The following ZNF578 variants were observed in gnomAD, a reference collection of about 807,000 sequenced individuals.
ZNF578 encodes the protein zinc finger protein 578.
ZNF578 carries 8 observed loss-of-function variants against 8.3 expected under a neutral mutation model. The ratio of observed to expected loss-of-function variants is 0.96; its 90% CI spans 0.56 to 1.74. The LOEUF is 1.74. Among genes scored for constraint, ZNF578 ranks in the 40% most tolerant of loss-of-function variants. The probability of loss-of-function intolerance (pLI) is 0.00; values close to 1 mark genes in which losing one functional copy is unlikely to be tolerated. For missense variants in ZNF578, 726 were observed against 707.5 expected (o/e 1.03, Z -0.30); for synonymous variants, 206 against 232.2 (o/e 0.89, Z 1.03).
intron 3 of ZNF578, among the ~76,000 whole-genome samples, chr19:52,493,700 T>G (rs2059375063): frequency 6.6e-6 from 1 of 151,226 alleles, no homozygotes. Flanking sequence ...CAACAAGAGG[T>G]TAAATAAGGA....
intron 3 of ZNF578, 147 bp from the exon 4 acceptor site, chr19:52,501,680 C>T (rs1464388845): frequency 2.5e-6 from 2 of 793,954 alleles, no homozygotes; most frequent in Admixed American, 2.9e-5. Context: ...TCCTGTGGGA[C>T]TTTCTTATGT....
At chr19:52,483,487 A>G (rs2059334488) in intron 2 of ZNF578, among the ~76,000 whole-genome samples, 1 of 152,212 alleles carries the variant, frequency 6.6e-6, no homozygotes, top group Non-Finnish European at 1.5e-5. Context: ...CGCATGACCA[A>G]ATTCTCTCAC....
At chr19:52,470,051 C>CTT (rs1458252601) in intron 2 of ZNF578, among the ~76,000 whole-genome samples, 1 of 152,138 alleles carries the variant, frequency 6.6e-6, no homozygotes, top group Non-Finnish European at 1.5e-5. Context: ...GAACACTGAG[C>CTT]TCTTAAACCC....
Position 52,514,630 on chromosome 19 carries a change from A to G in ZNF578, c.*2476A>G, listed in dbSNP as rs1385603100. Among the ~76,000 whole-genome samples the G allele has an allele frequency of 6.6e-6, 1 of 152,102 alleles. No homozygotes were observed. The highest frequency in any genetic ancestry group is 1.5e-5 in the Non-Finnish European group (1 of 68,020). On this transcript the variant is annotated 3_prime_UTR_variant, in exon 6 of 6. Coordinates refer to ENST00000421239, the MANE Select transcript of ZNF578 (RefSeq NM_001099694.2). ...GGAAAAATGTTGAAACATGGGCTGG[A>G]GTGGCATAGAGCGCTGCTCCAAAAG...
At chr19:52,494,027 G>A (rs2059376871) in intron 3 of ZNF578, among the ~76,000 whole-genome samples, 2 of 151,370 alleles carry the variant, frequency 1.3e-5, no homozygotes, top group South Asian at 4.2e-4. Flanking sequence ...TGAGGATGGA[G>A]CAGAAGAGGT....
At chr19:52,454,346 T>C (rs1248429888) in intron 1 of ZNF578, 1 of 152,216 alleles carries the variant, frequency 6.6e-6, no homozygotes, top group Non-Finnish European at 1.5e-5. Flanking sequence ...CGGTGTCCCA[T>C]AATTTACCTC....
chr19:52,472,962 A>C (rs1270673392), intron 2 of ZNF578, among the ~76,000 whole-genome samples: 1 of 152,212 alleles, frequency 6.6e-6, no homozygotes, highest in Non-Finnish European at 1.5e-5. Flanking sequence ...TTCAGCATGC[A>C]ATGTCATACA....
intron 2 of ZNF578, among the ~76,000 whole-genome samples, chr19:52,459,770 T>TATA (rs1491453615): frequency 0.01 from 76 of 7,280 alleles, 8 homozygotes; most frequent in Non-Finnish European, 0.016. Context: ...TATATATATA[T>TATA]TTTTTTTTTT....
At chr19:52,500,857 A>G (rs1599909335) in intron 3 of ZNF578, among the ~76,000 whole-genome samples, 1 of 146,052 alleles carries the variant, frequency 6.8e-6, no homozygotes, top group South Asian at 2.2e-4. Flanking sequence ...CCTCTGGTCC[A>G]CATTGACTGT....
chr19:52,459,727 G>A lies in ZNF578; in HGVS notation c.-122+2769G>A, dbSNP rs1177008761. On this transcript the variant is annotated intron_variant, in intron 2 of 5. Coordinates refer to ENST00000421239, the MANE Select transcript of ZNF578 (RefSeq NM_001099694.2). ...TATATGTAGATATGTGTGTGTGTGT[G>A]TGTGTGTGTGTGTGTGTGTGTGTGT... is the stretch of plus-strand genomic sequence containing the variant. Among the ~76,000 whole-genome samples the A allele has an allele frequency of 4.9e-3, 104 of 21,082 alleles. 1 individual carries two copies. The highest frequency in any genetic ancestry group is 7.0e-3 in the African/African-American group (52 of 7,482). 13.8% of individuals were successfully genotyped at this position (21,082 alleles called of 152,430 possible).
chr19:52,454,516 A>G (rs182390073), intron 1 of ZNF578: 4 of 152,356 alleles, frequency 2.6e-5, no homozygotes, highest in African/African-American at 7.2e-5. Context: ...CCCAGTCTTC[A>G]GTATTTATTA....
Position 52,476,181 on chromosome 19 carries a change from G to A in ZNF578, c.-121-15143G>A, listed in dbSNP as rs2059307879. 2.0e-5 allele frequency among the ~76,000 whole-genome samples: 3 copies of A among 151,968 alleles called. No individual in the cohort carries two copies. The South Asian group carries it at 6.2e-4, about 32-fold the overall frequency. On this transcript the variant is annotated intron_variant, in intron 2 of 5. Transcript: ENST00000421239. Reference sequence around the variant, plus strand: ...CTTGGAATGGCTGCTGGGGCTGGCAGACCTTGCTGTAATGCACCCATTGGT... The same window carrying A: ...CTTGGAATGGCTGCTGGGGCTGGCAAACCTTGCTGTAATGCACCCATTGGT...
intron 5 of ZNF578, among the ~76,000 whole-genome samples, chr19:52,505,099 C>T (rs1347719945): frequency 6.6e-6 from 1 of 152,142 alleles, no homozygotes; most frequent in Non-Finnish European, 1.5e-5. Flanking sequence ...GTTGGTCAGG[C>T]TCGTCTCTAA....
At chr19:52,480,272 A>G (rs952043964) in intron 2 of ZNF578, among the ~76,000 whole-genome samples, 3 of 152,184 alleles carry the variant, frequency 2.0e-5, no homozygotes, top group Non-Finnish European at 4.4e-5. Context: ...AGCATCTGAC[A>G]TAATGGTAGG....
chr19:52,494,823 T>C (rs1343094490), intron 3 of ZNF578, among the ~76,000 whole-genome samples: 1 of 152,128 alleles, frequency 6.6e-6, no homozygotes, highest in African/African-American at 2.4e-5. Context: ...TATTATGTAA[T>C]ACTTTTAATT....
At chr19:52,504,809 G>C in intron 5 of ZNF578, 28 bp downstream of exon 5, 1 of 1,613,532 alleles carries the variant, frequency 6.2e-7, no homozygotes, top group Middle Eastern at 1.7e-4. Flanking sequence ...GCAGACATGA[G>C]GAGTCTGCTC....
chr19:52,513,425 A>G lies in ZNF578; in HGVS notation c.*1271A>G, dbSNP rs1052565015. On this transcript the variant is annotated 3_prime_UTR_variant, in exon 6 of 6. Coordinates refer to ENST00000421239, the MANE Select transcript of ZNF578 (RefSeq NM_001099694.2). ...TAGTACTTTTTTAAAGGGATATACC[A>G]TAGTAGTTTTAAAAGGGATATCAGG... is the stretch of plus-strand genomic sequence containing the variant. Among the ~76,000 whole-genome samples, 8 of 145,480 alleles carry G rather than the reference A, an allele frequency of 5.5e-5. No individual in the cohort carries two copies. The highest frequency in any genetic ancestry group is 2.0e-4 in the African/African-American group (8 of 39,464).
intron 2 of ZNF578, among the ~76,000 whole-genome samples, chr19:52,460,474 C>T (rs1599880496): frequency 6.6e-6 from 1 of 152,116 alleles, no homozygotes; most frequent in African/African-American, 2.4e-5. Context: ...CTGTTCAGTT[C>T]CTTTGCCCAT....
At position 52,515,648 on chromosome 19, in the gene ZNF578, G is replaced by T. The variant is rs1471941509; in HGVS notation, c.*3494G>T. Among the ~76,000 whole-genome samples, 1 of 151,950 alleles carries T rather than the reference G, an allele frequency of 6.6e-6. No individual in the cohort carries two copies. Among genetic ancestry groups the T allele is most frequent in the Non-Finnish European group, 1.5e-5 (1 of 68,008 alleles). ...GTGAGCCTCCCTGCAACTTGGCGAC[G>T]AGGGGCTTGACCAGAAAAGGTCAAC... On this transcript the variant is annotated 3_prime_UTR_variant, in exon 6 of 6. Coordinates refer to ENST00000421239, the MANE Select transcript of ZNF578 (RefSeq NM_001099694.2).
Sources: allele counts gnomAD v4.1 joint callset (sites outside exome capture counted in the v4.1 genomes callset), GRCh38; gene constraint gnomAD v4.1.1; transcripts MANE v1.5; gene names NCBI Gene and HGNC (gene_info 2026-07-23, HGNC 2026-07-21).